Variants in STIM1 observed in about 807,000 individuals in gnomAD.
STIM1 encodes the protein stromal interaction molecule 1.
Under a neutral mutation model 74.7 loss-of-function variants are expected in STIM1, and 25 were observed. That is an observed-to-expected ratio of 0.33 (90% confidence interval 0.24 to 0.47). STIM1 has a LOEUF of 0.47. Ranked by LOEUF, STIM1 falls within the 20% of genes least tolerant of loss-of-function variation. The pLI is 1.00. For synonymous variants in STIM1, 328 were observed against 348.8 expected (o/e 0.94, Z 0.66); for missense variants, 728 against 920.8 (o/e 0.79, Z 2.71).
intron 3 of STIM1, among the ~76,000 whole-genome samples, chr11:4,054,794 C>T (rs1183882877): frequency 6.6e-6 from 1 of 152,148 alleles, no homozygotes; most frequent in Non-Finnish European, 1.5e-5. Context: ...TATTGAGTGC[C>T]CTCCTCTCCC....
chr11:3,949,290 T>G (rs1251322740), intron 1 of STIM1, among the ~76,000 whole-genome samples: 2 of 152,134 alleles, frequency 1.3e-5, no homozygotes, highest in Non-Finnish European at 2.9e-5. Context: ...AGAGGGAACA[T>G]CATGTACAAA....
intron 5 of STIM1, 128 bp from the exon 6 acceptor site, chr11:4,069,898 A>G: frequency 9.9e-7 from 1 of 1,013,820 alleles, no homozygotes; most frequent in Non-Finnish European, 1.5e-6. Context: ...AAGAAGAGAA[A>G]CTAATTCCTT....
intron 3 of STIM1, among the ~76,000 whole-genome samples, chr11:4,026,893 A>G (rs1168680176): frequency 6.6e-6 from 1 of 152,186 alleles, no homozygotes; most frequent in African/African-American, 2.4e-5. Flanking sequence ...TTAGGGTTTC[A>G]TTACATAGGC....
chr11:3,891,448 A>G lies in STIM1; in HGVS notation c.139+35039A>G, dbSNP rs1179003116. On this transcript the variant is annotated intron_variant, in intron 1 of 12. Coordinates refer to ENST00000526596, the MANE Select transcript of STIM1 (RefSeq NM_001382567.1). The stretch of plus-strand genomic sequence containing the variant: ...GGGACTACTACAGGCACATGCCACC[A>G]TATCCGGCTAATTTTTAGTGGAGAC... Among the ~76,000 whole-genome samples, 12 of 152,094 alleles carry G rather than the reference A, an allele frequency of 7.9e-5. No individual in the cohort carries two copies. The East Asian group carries it at 1.7e-3, about 22-fold the overall frequency.
intron 1 of STIM1, among the ~76,000 whole-genome samples, chr11:3,918,714 G>A (rs1426919075): frequency 2.6e-5 from 4 of 152,110 alleles, no homozygotes; most frequent in African/African-American, 9.7e-5. Flanking sequence ...TTCTACTCAT[G>A]GAACCCAGGG....
At chr11:4,025,176 G>C (rs1282676106) in intron 3 of STIM1, among the ~76,000 whole-genome samples, 1 of 152,202 alleles carries the variant, frequency 6.6e-6, no homozygotes, top group Admixed American at 6.5e-5. Context: ...TGGTAGGAAT[G>C]AGGCAGTTTC....
In STIM1 at chr11:4,079,403, G is replaced by A. The variant is rs1017343341; in HGVS notation, c.970-2781G>A. Among the ~76,000 whole-genome samples, 3 of 151,562 alleles carry A rather than the reference G, an allele frequency of 2.0e-5. No homozygotes were observed. The South Asian group carries it at 6.3e-4, about 32-fold the overall frequency. ...AGGCTGGCCAACGTAGTGAAACCCC[G>A]TCTCTACTAAAAATACAAGAATTAG... On this transcript the variant is annotated intron_variant, in intron 7 of 12. Transcript: ENST00000526596.
intron 1 of STIM1, among the ~76,000 whole-genome samples, chr11:3,897,294 G>C (rs753439147): frequency 2.0e-5 from 3 of 152,122 alleles, no homozygotes; most frequent in Non-Finnish European, 4.4e-5. Context: ...TTCCTCTGCT[G>C]CCTCTTCATT....
chr11:3,991,354 A>T (rs998635249), intron 2 of STIM1, among the ~76,000 whole-genome samples: 2 of 150,926 alleles, frequency 1.3e-5, no homozygotes, highest in Admixed American at 6.6e-5. Flanking sequence ...ATTGTTTTGT[A>T]GATACGGGGT....
upstream of STIM1, chr11:3,855,048 C>T (rs1332523745): frequency 6.6e-6 from 1 of 152,280 alleles, no homozygotes; most frequent in Non-Finnish European, 1.5e-5. Flanking sequence ...CTGATTTTCC[C>T]ACCAGGGGCC....
chr11:4,050,026 G>A (rs1433167912), intron 3 of STIM1, among the ~76,000 whole-genome samples: 1 of 152,050 alleles, frequency 6.6e-6, no homozygotes, highest in Admixed American at 6.6e-5. Context: ...TATTATTATT[G>A]TTGTTGTTAT....
At chr11:3,876,986 G>A (rs774859557) in intron 1 of STIM1, among the ~76,000 whole-genome samples, 52 of 152,234 alleles carry the variant, frequency 3.4e-4, no homozygotes, top group African/African-American at 1.1e-3. Context: ...TACTGAGTGC[G>A]TTGCTCAGTT....
At chr11:4,080,936 A>G (rs1385761040) in intron 7 of STIM1, among the ~76,000 whole-genome samples, 1 of 152,118 alleles carries the variant, frequency 6.6e-6, no homozygotes, top group Non-Finnish European at 1.5e-5. Context: ...CAGACTTGGT[A>G]TATTAGTCTC....
chr11:3,932,579 A>C (rs1313031199), intron 1 of STIM1, among the ~76,000 whole-genome samples: 1 of 150,496 alleles, frequency 6.6e-6, no homozygotes, highest in African/African-American at 2.4e-5. Flanking sequence ...GGAGAATGGC[A>C]TGAATCCAGG....
Position 3,958,509 on chromosome 11 carries a change from A to G in STIM1, c.140-9043A>G, listed in dbSNP as rs556029741. On this transcript the variant is annotated intron_variant, in intron 1 of 12. Coordinates refer to ENST00000526596, the MANE Select transcript of STIM1 (RefSeq NM_001382567.1). Reference sequence around the variant, plus strand: ...CTTGGATATGAGGACGAGTGGTTCTAACAGACGCAGGAATATCTCTCAGAT... The same window carrying G: ...CTTGGATATGAGGACGAGTGGTTCTGACAGACGCAGGAATATCTCTCAGAT... Among the ~76,000 whole-genome samples, 4 of 152,312 alleles carry G rather than the reference A, an allele frequency of 2.6e-5. No individual in the cohort carries two copies. In the East Asian group the frequency reaches 7.7e-4, roughly 29 times the overall value.
At chr11:3,855,284 G>A (rs1359044722), upstream of STIM1, 1 of 152,316 alleles carries the variant, frequency 6.6e-6, no homozygotes, top group Non-Finnish European at 1.5e-5. Context: ...GAACTGAGGC[G>A]AGTGGAGCAG....
chr11:4,091,934 C>A lies in STIM1; in HGVS notation c.*136C>A. ...CTGGTCCAGGGGTCTGGGCACTGTA[C>A]ATACCTGCCCCCTCATCCTTGGGTC... On this transcript the variant is annotated 3_prime_UTR_variant, in exon 13 of 13. Coordinates refer to ENST00000526596, the MANE Select transcript of STIM1 (RefSeq NM_001382567.1). 2.6e-6 allele frequency: 3 copies of A among 1,157,286 alleles called. No individual in the cohort carries two copies. Among genetic ancestry groups the A allele is most frequent in the Non-Finnish European group, 3.7e-6 (3 of 805,370 alleles). 71.7% of individuals were successfully genotyped at this position (1,157,286 alleles called of 1,614,324 possible). A position where few individuals can be genotyped will look rare whatever the true frequency, so the allele number is the denominator to read the frequency against.
At chr11:3,947,963 A>G (rs2093100002) in intron 1 of STIM1, among the ~76,000 whole-genome samples, 1 of 152,172 alleles carries the variant, frequency 6.6e-6, no homozygotes, top group Admixed American at 6.5e-5. Context: ...TTTCTCCCTT[A>G]GACAGTTAAC....
intron 5 of STIM1, among the ~76,000 whole-genome samples, chr11:4,060,630 A>G (rs2094324220): frequency 6.6e-6 from 1 of 152,160 alleles, no homozygotes; most frequent in African/African-American, 2.4e-5. Flanking sequence ...CTCTTTATGT[A>G]AGGCGTAGTC....
Sources: allele counts gnomAD v4.1 joint callset (sites outside exome capture counted in the v4.1 genomes callset), GRCh38; gene constraint gnomAD v4.1.1; transcripts MANE v1.5; gene names NCBI Gene and HGNC (gene_info 2026-07-23, HGNC 2026-07-21).